Variants in ETV5 observed in about 807,000 individuals in gnomAD.
The protein encoded by ETV5 is ETS translocation variant 5.
In ETV5, 10 loss-of-function variants were observed where a neutral mutation model predicts 70.0. The observed-to-expected ratio is 0.14, with a 90% CI of 0.09 to 0.24. ETV5 has a LOEUF of 0.24. ETV5 is among the 10% of genes least tolerant of loss of function. The pLI, the probability that ETV5 is intolerant of heterozygous loss-of-function variation, is 1.00. For missense variants in ETV5, 453 were observed against 651.2 expected (o/e 0.70, Z 3.31); for synonymous variants, 216 against 242.2 (o/e 0.89, Z 1.01).
At chr3:186,107,703 A>G (rs1352663536) in intron 1 of ETV5, among the ~76,000 whole-genome samples, 2 of 152,020 alleles carry the variant, frequency 1.3e-5, no homozygotes, top group African/African-American at 4.8e-5. Flanking sequence ...GGAAAACTTT[A>G]GCACAGCGCA....
chr3:186,107,176 G>T (rs1485160704), intron 1 of ETV5, among the ~76,000 whole-genome samples: 1 of 152,160 alleles, frequency 6.6e-6, no homozygotes, highest in Non-Finnish European at 1.5e-5. Context: ...CAAAGTCAAA[G>T]GAAAGAGAGG....
rs537211360 is a variant in ETV5 at position 186,058,826 on chromosome 3, C to T, written c.971-1335G>A. On this transcript the variant is annotated intron_variant, in intron 9 of 12. Coordinates refer to ENST00000306376, the MANE Select transcript of ETV5 (RefSeq NM_004454.3). ...GTCAGGAGTTCGAGACCAGCCTGGCCAACATGGTGAAACCATCTCTACTAA... is the reference window on the plus strand; with the variant it reads ...GTCAGGAGTTCGAGACCAGCCTGGCTAACATGGTGAAACCATCTCTACTAA... 4.6e-5 allele frequency among the ~76,000 whole-genome samples: 7 copies of T among 151,946 alleles called. No homozygotes were observed. The South Asian group carries it at 1.2e-3, about 27-fold the overall frequency.
chr3:186,075,142 T>C (rs1316764044), intron 7 of ETV5, among the ~76,000 whole-genome samples: 1 of 152,154 alleles, frequency 6.6e-6, no homozygotes, highest in African/African-American at 2.4e-5. Context: ...CAAACCCTCT[T>C]AAGACTCAGA....
chr3:186,102,739 A>G (rs912199633), intron 5 of ETV5, among the ~76,000 whole-genome samples: 10 of 152,070 alleles, frequency 6.6e-5, no homozygotes, highest in Non-Finnish European at 1.3e-4. Flanking sequence ...GGTTTCATTA[A>G]ATTTGAATGA....
At chr3:186,084,432 T>G (rs1714006256) in intron 5 of ETV5, among the ~76,000 whole-genome samples, 1 of 152,006 alleles carries the variant, frequency 6.6e-6, no homozygotes, top group Non-Finnish European at 1.5e-5. Flanking sequence ...GTGGACTACC[T>G]TCTTTGTCAT....
rs977464448 is a variant in ETV5 at position 186,048,116 on chromosome 3, T to G, written c.*523A>C. On this transcript the variant is annotated 3_prime_UTR_variant, in exon 13 of 13. Transcript: ENST00000306376. ...CCCTTTTTCTAGACAAGGGGTAATA[T>G]TTCAGATTCAGCTAGAAGAGCTTTC... 1 of 234,580 alleles carries G rather than the reference T, an allele frequency of 4.3e-6. No individual in the cohort carries two copies. The highest frequency in any genetic ancestry group is 5.5e-5 in the Admixed American group (1 of 18,078). 14.5% of individuals were successfully genotyped at this position (234,580 alleles called of 1,614,324 possible).
chr3:186,108,503 A>C, intron 1 of ETV5: 1 of 1,285,262 alleles, frequency 7.8e-7, no homozygotes, highest in African/African-American at 1.5e-5. Flanking sequence ...AGCGCCTCTC[A>C]GACATTCCCC....
chr3:186,060,034 T>C (rs979707925), intron 9 of ETV5, among the ~76,000 whole-genome samples: 1 of 152,232 alleles, frequency 6.6e-6, no homozygotes, highest in Non-Finnish European at 1.5e-5. Context: ...ACATTTTGCC[T>C]TGCCTGCCAG....
chr3:186,061,042 G>A (rs943306742), intron 9 of ETV5, among the ~76,000 whole-genome samples: 1 of 152,092 alleles, frequency 6.6e-6, no homozygotes, highest in African/African-American at 2.4e-5. Flanking sequence ...AACATCACAG[G>A]GTACCCAGTG....
intron 9 of ETV5, among the ~76,000 whole-genome samples, chr3:186,058,812 G>C (rs930951063): frequency 6.6e-6 from 1 of 151,942 alleles, no homozygotes; most frequent in Non-Finnish European, 1.5e-5. Context: ...TCAGGAGTTC[G>C]AGACCAGCCT....
Position 186,071,920 on chromosome 3 carries a change from C to A in ETV5, c.651-5848G>T, listed in dbSNP as rs1015302685. ...TCAAGCAATTCTACTGACTCAGCCT[C>A]CCAAGTAGCTGGGATTACAGGTGCC... On this transcript the variant is annotated intron_variant, in intron 7 of 12. Coordinates refer to ENST00000306376, the MANE Select transcript of ETV5 (RefSeq NM_004454.3). Among the ~76,000 whole-genome samples the A allele has an allele frequency of 3.3e-5, 5 of 151,730 alleles. 1 individual carries two copies. Among genetic ancestry groups the A allele is most frequent in the Admixed American group, 6.6e-5 (1 of 15,252 alleles).
intron 5 of ETV5, among the ~76,000 whole-genome samples, chr3:186,088,727 T>C (rs149567192): frequency 2.8e-4 from 42 of 152,116 alleles, no homozygotes; most frequent in Non-Finnish European, 4.6e-4. Context: ...GAAGAGCAGG[T>C]ATGACCTCTT....
At chr3:186,073,915 A>G (rs896864273) in intron 7 of ETV5, among the ~76,000 whole-genome samples, 1 of 152,234 alleles carries the variant, frequency 6.6e-6, no homozygotes, top group African/African-American at 2.4e-5. Flanking sequence ...GTGCTTACAT[A>G]TTATAAAGAA....
Position 186,105,145 on chromosome 3 carries a change from G to A in ETV5, c.232+160C>T. 1 of 553,932 alleles carries A rather than the reference G, an allele frequency of 1.8e-6. No homozygotes were observed. Among genetic ancestry groups the A allele is most frequent in the East Asian group, 3.1e-5 (1 of 32,558 alleles). 34.3% of individuals were successfully genotyped at this position (553,932 alleles called of 1,614,324 possible). On this transcript the variant is annotated intron_variant, in intron 5 of 12. Coordinates refer to ENST00000306376, the MANE Select transcript of ETV5 (RefSeq NM_004454.3). This position sits in a 1 kb window ranked among gnomAD's most constrained non-coding sequence, Gnocchi z 4.5. ...AATACTTTAGAAATAATTTTATTAT[G>A]AAATAAAAGTTTTCAGGGTTAATTC...
Position 186,105,982 on chromosome 3 carries a change from A to G in ETV5, c.-74-40T>C. On this transcript the variant is annotated intron_variant, in intron 1 of 12. Coordinates refer to ENST00000306376, the MANE Select transcript of ETV5 (RefSeq NM_004454.3). This position sits in a 1 kb window ranked among gnomAD's most constrained non-coding sequence, Gnocchi z 4.5. ...TGGGAGATTTTAACTAAGAGGGGGG[A>G]AAAAAAGAAATGAAACAATTTTAGA... is the stretch of plus-strand genomic sequence containing the variant. 6 of 1,384,234 alleles carry G rather than the reference A, an allele frequency of 4.3e-6. No homozygotes were observed. Among genetic ancestry groups the G allele is most frequent in the South Asian group, 2.6e-5 (2 of 78,104 alleles). 85.7% of individuals were successfully genotyped at this position (1,384,234 alleles called of 1,614,324 possible). A position where few individuals can be genotyped will look rare whatever the true frequency, so the allele number is the denominator to read the frequency against.
At chr3:186,084,479 TC>T (rs1714009078) in intron 5 of ETV5, among the ~76,000 whole-genome samples, 1 of 152,148 alleles carries the variant, frequency 6.6e-6, no homozygotes, top group African/African-American at 2.4e-5. Flanking sequence ...ATTCATTCAT[TC>T]ATTCATTCAT....
rs1578532482 is a variant in ETV5, at chr3:186,047,553, T to C, written c.*1086A>G. ...GCATGTTAGTGAACACGGGGAACTA[T>C]ACATAGAGAATCTAAGCTTGTGTCC... On this transcript the variant is annotated 3_prime_UTR_variant, in exon 13 of 13. Transcript: ENST00000306376. 1 of 232,354 alleles carries C rather than the reference T, an allele frequency of 4.3e-6. No homozygotes were observed. Among genetic ancestry groups the C allele is most frequent in the Non-Finnish European group, 8.5e-6 (1 of 117,374 alleles). 14.4% of individuals were successfully genotyped at this position (232,354 alleles called of 1,614,324 possible).
At chr3:186,077,229 G>C (rs1471152895) in intron 7 of ETV5, among the ~76,000 whole-genome samples, 1 of 152,146 alleles carries the variant, frequency 6.6e-6, no homozygotes, top group Non-Finnish European at 1.5e-5. Flanking sequence ...TAGGGATTTC[G>C]TTTTGAAGTA....
chr3:186,084,251 T>C (rs1403958140), intron 5 of ETV5: 3 of 431,306 alleles, frequency 7.0e-6, no homozygotes, highest in Non-Finnish European at 4.5e-6. Context: ...AAAGGGATCA[T>C]GAACTCTTGA....
Sources: allele counts gnomAD v4.1 joint callset (sites outside exome capture counted in the v4.1 genomes callset), GRCh38; gene constraint gnomAD v4.1.1; non-coding constraint Gnocchi (gnomAD v3.1); transcripts MANE v1.5; gene names NCBI Gene and HGNC (gene_info 2026-07-23, HGNC 2026-07-21).